ESYT2: variants seen among roughly 807,000 people sequenced by gnomAD.
ESYT2 encodes the protein extended synaptotagmin 2, also known as extended synaptotagmin-2.
A neutral mutation model predicts 107.2 loss-of-function variants in ESYT2; 54 were observed. The ratio of observed to expected loss-of-function variants is 0.50; its 90% confidence interval spans 0.40 to 0.63. ESYT2 has a LOEUF of 0.63. Ranked by LOEUF, ESYT2 falls within the 30% of genes least tolerant of loss-of-function variation. The probability of loss-of-function intolerance (pLI) is 0.00; values close to 1 mark genes in which losing one functional copy is unlikely to be tolerated. For missense variants in ESYT2, 1,020 were observed against 1,094.5 expected, an observed-to-expected ratio of 0.93 and a Z score of 0.96; for synonymous variants, 491 against 434.1, an observed-to-expected ratio of 1.13 and a Z score of -1.63.
At chr7:158,786,780 TTTAAA>T (rs1839130142) in intron 6 of ESYT2, among the ~76,000 whole-genome samples, 1 of 152,200 alleles carries the variant, frequency 6.6e-6, no homozygotes. Flanking sequence ...ATATTCCTAC[TTTAAA>T]TTACAAATGA....
intron 1 of ESYT2, among the ~76,000 whole-genome samples, chr7:158,810,755 T>G (rs1469714552): frequency 1.3e-5 from 2 of 151,804 alleles, no homozygotes; most frequent in Non-Finnish European, 2.9e-5. Context: ...GTCCAGAAGG[T>G]GTCTTCCTCT....
chr7:158,741,501 C>T (rs1469259219), intron 18 of ESYT2, 22 bp downstream of exon 18: 2 of 1,544,748 alleles, frequency 1.3e-6, no homozygotes, highest in Admixed American at 1.9e-5. Context: ...TGGTGAGAAA[C>T]AACATGGTGG....
At chr7:158,737,027 C>T (rs574320442) in intron 20 of ESYT2, 21 bp downstream of exon 20, 2 of 1,611,670 alleles carry the variant, frequency 1.2e-6, no homozygotes, top group South Asian at 1.1e-5. Flanking sequence ...AGTCTATCCT[C>T]AGCTGGATAA....
Position 158,748,220 on chromosome 7 carries a change from G to A in ESYT2, c.1618C>T (p.Pro540Ser). 6.2e-7 allele frequency: 1 copy of A among 1,614,172 alleles called. No homozygotes were observed. Among genetic ancestry groups the A allele is most frequent in the South Asian group, 1.1e-5 (1 of 91,082 alleles). Residue 540 changes from proline to serine, a missense_variant, in exon 16 of 23, where the codon CCC becomes TCC. By Grantham distance (74) the Pro-to-Ser change is moderately conservative. Transcript: ENST00000275418. ...EENFTFFIHNPKRQDLEVEVR... is the reference protein window; with the variant it reads ...EENFTFFIHNSKRQDLEVEVR... ...TCAACTTCAAGGTCCTGGCGCTTGG[G>A]ATTGTGAATGAAGAAAGTGAAGTTT...
intron 6 of ESYT2, among the ~76,000 whole-genome samples, chr7:158,776,005 C>T (rs1242073722): frequency 6.6e-6 from 1 of 152,222 alleles, no homozygotes; most frequent in Non-Finnish European, 1.5e-5. Context: ...GCATTTACCT[C>T]CTTGTACACC....
chr7:158,817,233 G>A (rs1840171358), intron 1 of ESYT2, among the ~76,000 whole-genome samples: 1 of 152,174 alleles, frequency 6.6e-6, no homozygotes, highest in Non-Finnish European at 1.5e-5. Context: ...AAGACTGACA[G>A]AACTGACAGA....
At chr7:158,756,997 C>T (rs940432912) in intron 13 of ESYT2, among the ~76,000 whole-genome samples, 2 of 147,688 alleles carry the variant, frequency 1.4e-5, no homozygotes, top group African/African-American at 5.0e-5. Flanking sequence ...TTACATCTCA[C>T]ATTGAGATGA....
At chr7:158,782,988 G>A (rs985182301) in intron 6 of ESYT2, among the ~76,000 whole-genome samples, 34 of 152,200 alleles carry the variant, frequency 2.2e-4, no homozygotes, top group African/African-American at 8.2e-4. Context: ...GGCTTTAGAA[G>A]GCGCCTTTGG....
intron 4 of ESYT2, among the ~76,000 whole-genome samples, chr7:158,790,944 T>C (rs1268230710): frequency 4.0e-5 from 6 of 151,106 alleles, no homozygotes. Context: ...AATAAATGAA[T>C]TAATTAACAC....
At chr7:158,778,791 C>T (rs912054823) in intron 6 of ESYT2, among the ~76,000 whole-genome samples, 2 of 151,308 alleles carry the variant, frequency 1.3e-5, no homozygotes, top group African/African-American at 4.9e-5. Context: ...TTTTTTATAT[C>T]GTGTATAAAG....
rs1272271588 is a variant in ESYT2 at position 158,741,754 on chromosome 7, G to A, written c.1937C>T (p.Thr646Ile). The A allele has an allele frequency of 1.2e-6, 2 of 1,614,098 alleles. No individual in the cohort carries two copies. The highest frequency in any genetic ancestry group is 1.7e-6 in the Non-Finnish European group (2 of 1,180,016). Residue 646 changes from threonine to isoleucine, a missense_variant, in exon 18 of 23, where the codon ACA becomes ATA. Physicochemically the swap from Thr to Ile is moderately conservative, Grantham distance 89 (BLOSUM62 -1). Transcript: ENST00000275418. ...SGSPGPGGSN[T>I]APSTPVIGGS... ...CCCAATGACTGGTGTGGATGGAGCT[G>A]TGTTGCTGCCACCAGGGCCTGGAGA...
intron 7 of ESYT2, among the ~76,000 whole-genome samples, chr7:158,771,706 T>C (rs1838378948): frequency 6.6e-6 from 1 of 152,214 alleles, no homozygotes; most frequent in Admixed American, 6.5e-5. Flanking sequence ...ACACGCCAGC[T>C]TTCCAGCTGC....
intron 6 of ESYT2, among the ~76,000 whole-genome samples, chr7:158,785,213 A>G (rs997323464): frequency 2.6e-5 from 4 of 152,164 alleles, no homozygotes; most frequent in South Asian, 2.1e-4. Context: ...ACCTGAGGTC[A>G]TAAGTTCAAG....
chr7:158,792,109 T>G (rs28824825), intron 4 of ESYT2, among the ~76,000 whole-genome samples: 1,950 of 152,076 alleles, frequency 0.013, 45 homozygotes, highest in African/African-American at 0.044. Flanking sequence ...TTTAGTGTGT[T>G]CACTTTGTAT....
chr7:158,821,369 A>G (rs1001359313), intron 1 of ESYT2, among the ~76,000 whole-genome samples: 3 of 152,240 alleles, frequency 2.0e-5, no homozygotes, highest in South Asian at 4.1e-4. Flanking sequence ...CCCGGCTATT[A>G]CAGTAGTACA....
intron 13 of ESYT2, among the ~76,000 whole-genome samples, chr7:158,754,880 G>T (rs1326500904): frequency 6.6e-6 from 1 of 152,084 alleles, no homozygotes; most frequent in Non-Finnish European, 1.5e-5. Context: ...GATAATGAGG[G>T]TCTGGAGATT....
chr7:158,798,117 T>C (rs1008396399), intron 2 of ESYT2, 41 bp from the exon 3 acceptor site: 7 of 1,611,184 alleles, frequency 4.3e-6, no homozygotes, highest in South Asian at 2.2e-5. Context: ...AAATGCTATA[T>C]AATGCATGAC....
At chr7:158,757,260 C>T (rs563125029) in intron 13 of ESYT2, among the ~76,000 whole-genome samples, 107 of 152,320 alleles carry the variant, frequency 7.0e-4, no homozygotes, top group African/African-American at 2.5e-3. Flanking sequence ...CAGCCAACTG[C>T]ATTAGAAGTT....
intron 14 of ESYT2, among the ~76,000 whole-genome samples, chr7:158,751,077 C>T (rs577267973): frequency 6.6e-6 from 1 of 152,064 alleles, no homozygotes; most frequent in South Asian, 2.1e-4. Context: ...AAAACATATA[C>T]TTTTTTTTCC....
Sources: gnomAD v4.1 joint callset for allele counts (sites outside exome capture counted in the v4.1 genomes callset) on GRCh38, gnomAD v4.1.1 for gene constraint, MANE v1.5 for transcripts, NCBI Gene and HGNC (gene_info 2026-07-23, HGNC 2026-07-21) for gene names.